TENM2: variants seen among roughly 807,000 people sequenced by gnomAD.
TENM2 encodes the protein teneurin-2.
TENM2 carries 52 observed loss-of-function variants against 245.2 expected under a neutral mutation model. That is an observed-to-expected ratio of 0.21 (90% CI 0.17 to 0.27). TENM2 has a LOEUF of 0.27. Among genes scored for constraint, TENM2 ranks in the 10% least tolerant of loss-of-function variants. The probability of loss-of-function intolerance (pLI) is 1.00; values close to 1 mark genes in which losing one functional copy is unlikely to be tolerated. For synonymous variants in TENM2, 1,363 were observed against 1,438.9 expected, an observed-to-expected ratio of 0.95 and a Z score of 1.19; for missense variants, 3,046 against 3,666.8, an observed-to-expected ratio of 0.83 and a Z score of 4.37.
At chr5:167,062,931 C>A in the TENM2 span, among the ~76,000 whole-genome samples, 3 of 152,152 alleles carry the variant, frequency 2.0e-5, no homozygotes, top group Admixed American at 2.0e-4. Flanking sequence ...GAAACACAAT[C>A]TTTCTGGCTT....
At chr5:168,100,650 T>C (rs1374679085) in intron 9 of TENM2, among the ~76,000 whole-genome samples, 1 of 151,822 alleles carries the variant, frequency 6.6e-6, no homozygotes, top group Admixed American at 6.6e-5. Flanking sequence ...AACCAAACAC[T>C]GCATGTTCTC....
the TENM2 span, among the ~76,000 whole-genome samples, chr5:167,064,180 G>A: frequency 3.3e-5 from 5 of 152,198 alleles, no homozygotes; most frequent in Admixed American, 1.3e-4. Context: ...GGGGGCCTGG[G>A]GGAGGGTTGG....
intron 2 of TENM2, among the ~76,000 whole-genome samples, chr5:167,557,902 A>G (rs990701293): frequency 2.0e-5 from 3 of 152,256 alleles, no homozygotes; most frequent in Non-Finnish European, 2.9e-5. Flanking sequence ...TGTTTACATT[A>G]TACTCATTTT....
chr5:167,419,682 C>T (rs1763376100), intron 2 of TENM2, among the ~76,000 whole-genome samples: 1 of 152,166 alleles, frequency 6.6e-6, no homozygotes, highest in African/African-American at 2.4e-5. Flanking sequence ...TAGAGTCAGA[C>T]AGGCCTAAGT....
At chr5:167,909,085 A>G (rs1410111411) in intron 3 of TENM2, among the ~76,000 whole-genome samples, 1 of 97,654 alleles carries the variant, frequency 1.0e-5, no homozygotes, top group Non-Finnish European at 2.2e-5. Flanking sequence ...TTTTTTTTTT[A>G]GTAAAAATTG....
intron 25 of TENM2, chr5:168,230,770 G>GAGAT (rs1205799899): frequency 1.3e-5 from 2 of 152,210 alleles, no homozygotes; most frequent in Non-Finnish European, 2.9e-5. Context: ...AGACTCTAGA[G>GAGAT]AGATAAAGAA....
intron 1 of TENM2, among the ~76,000 whole-genome samples, chr5:167,339,301 C>T (rs1421417870): frequency 6.6e-6 from 1 of 152,108 alleles, no homozygotes; most frequent in Non-Finnish European, 1.5e-5. Flanking sequence ...CTTCCCATTC[C>T]AAAAGGAAGA....
chr5:167,799,996 A>C (rs569540503), intron 2 of TENM2, among the ~76,000 whole-genome samples: 1 of 152,200 alleles, frequency 6.6e-6, no homozygotes, highest in Non-Finnish European at 1.5e-5. Flanking sequence ...AGCATCCCCA[A>C]CTGACAATCA....
At chr5:167,170,199 A>C in the TENM2 span, among the ~76,000 whole-genome samples, 1 of 152,248 alleles carries the variant, frequency 6.6e-6, no homozygotes, top group Non-Finnish European at 1.5e-5. Flanking sequence ...TAGGAGGATT[A>C]ACAACTATGT....
At chr5:167,398,659 C>A (rs184538495) in intron 2 of TENM2, among the ~76,000 whole-genome samples, 1 of 152,002 alleles carries the variant, frequency 6.6e-6, no homozygotes, top group African/African-American at 2.4e-5. Context: ...AGGCTGGTCT[C>A]GAACTCCTGA....
intron 1 of TENM2, among the ~76,000 whole-genome samples, chr5:167,343,681 A>C (rs549646836): frequency 6.6e-6 from 1 of 152,282 alleles, no homozygotes; most frequent in East Asian, 1.9e-4. Context: ...AAATACTTGT[A>C]CTGCATTTTT....
chr5:167,573,153 A>G (rs1340206605), intron 2 of TENM2, among the ~76,000 whole-genome samples: 3 of 152,084 alleles, frequency 2.0e-5, no homozygotes, highest in African/African-American at 7.2e-5. Flanking sequence ...GTCAGCAGTT[A>G]TGATAAGTAG....
intron 4 of TENM2, among the ~76,000 whole-genome samples, chr5:167,969,342 G>T (rs749566909): frequency 7.2e-5 from 11 of 152,108 alleles, no homozygotes; most frequent in Non-Finnish European, 1.6e-4. Flanking sequence ...CCCTACACAA[G>T]CACTCTCTTT....
At chr5:167,753,881 C>T (rs114066403) in intron 2 of TENM2, among the ~76,000 whole-genome samples, 4,729 of 152,154 alleles carry the variant, frequency 0.031, 251 homozygotes, top group African/African-American at 0.11. Context: ...GGCAGAGGTG[C>T]CTTCCTGCAG....
chr5:167,273,664 G>A, the TENM2 span, among the ~76,000 whole-genome samples: 1 of 152,112 alleles, frequency 6.6e-6, no homozygotes, highest in Admixed American at 6.6e-5. Context: ...AGCCACCAAA[G>A]TGTTTCTTTT....
At chr5:168,151,905 A>C (rs1303742197) in intron 12 of TENM2, among the ~76,000 whole-genome samples, 1 of 152,214 alleles carries the variant, frequency 6.6e-6, no homozygotes, top group Non-Finnish European at 1.5e-5. Flanking sequence ...AATGATGACC[A>C]ATGATTCCAG....
chr5:168,100,758 T>G (rs573439313), intron 9 of TENM2, among the ~76,000 whole-genome samples: 4 of 151,770 alleles, frequency 2.6e-5, no homozygotes, highest in South Asian at 2.1e-4. Flanking sequence ...AGGGGAGAGA[T>G]AGCATTAGAA....
chr5:167,580,387 C>T (rs919162992), intron 2 of TENM2, among the ~76,000 whole-genome samples: 5 of 152,274 alleles, frequency 3.3e-5, no homozygotes, highest in Middle Eastern at 3.4e-3. Flanking sequence ...ACTGTAGCTG[C>T]ATATATGCTG....
At chr5:167,315,645 A>G (rs1172609306) in intron 1 of TENM2, among the ~76,000 whole-genome samples, 1 of 152,120 alleles carries the variant, frequency 6.6e-6, no homozygotes, top group African/African-American at 2.4e-5. Context: ...AAGGTGTGCT[A>G]AACTTGAAAA....
Sources: allele counts gnomAD v4.1 joint callset (sites outside exome capture counted in the v4.1 genomes callset), GRCh38; gene constraint gnomAD v4.1.1; transcripts MANE v1.5; gene names NCBI Gene and HGNC (gene_info 2026-07-23, HGNC 2026-07-21).